Variants in CDHR3 observed in about 807,000 individuals in gnomAD.
CDHR3 encodes cadherin related family member 3.
A neutral mutation model predicts 86.6 loss-of-function variants in CDHR3; 79 were observed. The ratio of observed to expected loss-of-function variants is 0.91; its 90% CI spans 0.76 to 1.10. CDHR3 has a LOEUF of 1.10. Among genes scored for constraint, CDHR3 ranks in the 50% least tolerant of loss-of-function variants. The pLI, the probability that CDHR3 is intolerant of heterozygous loss-of-function variation, is 0.00. For missense variants in CDHR3, 1,081 were observed against 1,077.6 expected, an observed-to-expected ratio of 1.00 and a Z score of -0.04; for synonymous variants, 421 against 402.4, an observed-to-expected ratio of 1.05 and a Z score of -0.55.
chr7:105,977,476 G>A (rs947824489), intron 2 of CDHR3, among the ~76,000 whole-genome samples: 3 of 152,194 alleles, frequency 2.0e-5, no homozygotes, highest in Admixed American at 2.0e-4. Flanking sequence ...AGTGTTTGGT[G>A]TATTGTCCTA....
At chr7:106,020,347 G>A in intron 12 of CDHR3, 26 bp from the exon 13 acceptor site, 2 of 1,567,670 alleles carry the variant, frequency 1.3e-6, no homozygotes. Flanking sequence ...TAGCTATTGA[G>A]AATGACCACC....
At position 105,974,855 on chromosome 7, in the gene CDHR3, C is replaced by A; in HGVS notation, c.58C>A (p.Leu20Ile). The A allele has an allele frequency of 1.2e-6, 2 of 1,613,274 alleles. No homozygotes were observed. The highest frequency in any genetic ancestry group is 8.5e-7 in the Non-Finnish European group (1 of 1,179,632). The part of the protein sequence containing the change: ...LLGAMSGGEA[L>I]HLILLPATGN... ...TTTTTACTCCACAGGGGGAGAAGCA[C>A]TACACCTAATCCTCTTACCTGCTAC... The change falls in exon 2 of 19, where the codon CTA becomes ATA. Residue 20 changes from leucine to isoleucine, a missense_variant. Transcript: ENST00000317716.
Position 105,964,212 on chromosome 7 carries a change from A to G in CDHR3, c.46+848A>G, listed in dbSNP as rs567402090. Among the ~76,000 whole-genome samples the G allele has an allele frequency of 2.6e-5, 4 of 152,248 alleles. No individual in the cohort carries two copies. In the East Asian group the frequency reaches 7.7e-4, roughly 29 times the overall value. ...TTAGGAGTATTTTGAGGTTTCCTTC[A>G]TATAGATTTGGTACATTCTTATTAT... On this transcript the variant is annotated intron_variant, in intron 1 of 18. Coordinates refer to ENST00000317716, the MANE Select transcript of CDHR3 (RefSeq NM_152750.5).
chr7:106,032,733 T>G lies in CDHR3; in HGVS notation c.*36T>G, dbSNP rs1446608124. 6.4e-7 allele frequency: 1 copy of G among 1,567,660 alleles called. No homozygotes were observed. Among genetic ancestry groups the G allele is most frequent in the African/African-American group, 1.4e-5 (1 of 73,928 alleles). ...AGGAGGGGCCTGTCAATCACTGAGA[T>G]GCTGCCTCACCCTAAATTCTATGGG... On this transcript the variant is annotated 3_prime_UTR_variant, in exon 19 of 19. Transcript: ENST00000317716.
rs117453176 is a variant in CDHR3 at position 105,996,805 on chromosome 7, C to T, written c.713+451C>T. On this transcript the variant is annotated intron_variant, in intron 6 of 18. Coordinates refer to ENST00000317716, the MANE Select transcript of CDHR3 (RefSeq NM_152750.5). Reference sequence around the variant, plus strand: ...CGGTGCCTGCCTGTTACTGGCTGCTCTAAAGTTTCTTCCTGCCATGGTGGA... The same window carrying T: ...CGGTGCCTGCCTGTTACTGGCTGCTTTAAAGTTTCTTCCTGCCATGGTGGA... 5.8e-4 allele frequency among the ~76,000 whole-genome samples: 88 copies of T among 152,282 alleles called. 1 individual carries two copies. In the East Asian group the frequency reaches 0.017, roughly 29 times the overall value.
Position 105,973,676 on chromosome 7 carries a change from A to T in CDHR3, c.47-1168A>T, listed in dbSNP as rs138763333. On this transcript the variant is annotated intron_variant, in intron 1 of 18. Transcript: ENST00000317716. ...CATGAAGACTCTATTTCCAAATAAG[A>T]TCATTCTTGGCTGGGCATGGTGGCT... 9.4e-3 allele frequency among the ~76,000 whole-genome samples: 1,429 copies of T among 152,292 alleles called. 8 individuals carry two copies. The highest frequency in any genetic ancestry group is 0.014 in the Non-Finnish European group (960 of 68,026).
intron 6 of CDHR3, among the ~76,000 whole-genome samples, chr7:105,996,927 C>T (rs759732536): frequency 1.1e-4 from 17 of 151,956 alleles, no homozygotes; most frequent in Non-Finnish European, 2.2e-4. Context: ...TGGAAATGTG[C>T]CTGGCACTAT....
In CDHR3 at chr7:106,026,678, A is replaced by C. The variant is rs369211422; in HGVS notation, c.2259-4A>C. The C allele has an allele frequency of 3.1e-6, 5 of 1,613,534 alleles. No homozygotes were observed. The Admixed American group carries it at 6.7e-5, about 22-fold the overall frequency. ...ATTAATAGCCATTCTTTTTCCCCCC[A>C]TAGGACAAAGAAAGGAGGTATGTAC... On this transcript the variant is annotated splice_region_variant and splice_polypyrimidine_tract_variant and intron_variant, in intron 15 of 18. Transcript: ENST00000317716.
At chr7:105,980,034 C>T (rs1248626493) in intron 2 of CDHR3, among the ~76,000 whole-genome samples, 3 of 152,174 alleles carry the variant, frequency 2.0e-5, no homozygotes, top group Non-Finnish European at 4.4e-5. Context: ...CGCATCCCTC[C>T]CACATCTACA....
intron 4 of CDHR3, among the ~76,000 whole-genome samples, chr7:105,993,098 T>C (rs6976412): frequency 0.21 from 31,367 of 152,212 alleles, 3,913 homozygotes; most frequent in Middle Eastern, 0.36. Flanking sequence ...TCAGGGGCTG[T>C]GGCTGTGGTT....
At chr7:105,971,797 C>T (rs1035238628) in intron 1 of CDHR3, among the ~76,000 whole-genome samples, 23 of 152,130 alleles carry the variant, frequency 1.5e-4, no homozygotes, top group African/African-American at 4.8e-4. Flanking sequence ...TAGCAAGTCC[C>T]TTCTACCTGA....
chr7:106,012,813 C>T (rs779974734), intron 8 of CDHR3, 47 bp from the exon 9 acceptor site: 14 of 1,547,072 alleles, frequency 9.0e-6, no homozygotes, highest in Middle Eastern at 1.7e-4. Flanking sequence ...AAGGAACAGT[C>T]GATTACCATT....
intron 4 of CDHR3, among the ~76,000 whole-genome samples, chr7:105,989,734 G>A (rs1831079125): frequency 6.6e-6 from 1 of 152,128 alleles, no homozygotes; most frequent in Non-Finnish European, 1.5e-5. Flanking sequence ...TCTGGATGAG[G>A]GAGGGAACTG....
In CDHR3 at chr7:106,020,532, T is replaced by C. The variant is rs368624324; in HGVS notation, c.1813T>C (p.Ser605Pro). 19 of 1,613,512 alleles carry C rather than the reference T, an allele frequency of 1.2e-5. No individual in the cohort carries two copies. The highest frequency in any genetic ancestry group is 1.5e-5 in the Non-Finnish European group (18 of 1,179,656). ...TTCCAGCCCCAGATCTTTCCGTTAT[T>C]CCATTGGCCCAGGTATAGTACTTGG... ...LDSSPRSFRYSIGPGNVNNHF... is the reference protein window; with the variant it reads ...LDSSPRSFRYPIGPGNVNNHF... The change falls in exon 13 of 19, where the codon TCC becomes CCC. Residue 605 changes from serine to proline, a missense_variant. Coordinates refer to ENST00000317716, the MANE Select transcript of CDHR3 (RefSeq NM_152750.5).
chr7:106,009,965 T>A (rs1354016709), intron 8 of CDHR3, among the ~76,000 whole-genome samples: 1 of 152,158 alleles, frequency 6.6e-6, no homozygotes, highest in African/African-American at 2.4e-5. Flanking sequence ...CAGGGATTGC[T>A]GAATGAGGGG....
At chr7:105,971,588 G>A (rs1236871718) in intron 1 of CDHR3, among the ~76,000 whole-genome samples, 1 of 152,150 alleles carries the variant, frequency 6.6e-6, no homozygotes, top group Non-Finnish European at 1.5e-5. Flanking sequence ...TCAGACCCAG[G>A]AATTATCAAA....
chr7:105,967,562 G>A (rs1380554011), intron 1 of CDHR3, among the ~76,000 whole-genome samples: 1 of 152,200 alleles, frequency 6.6e-6, no homozygotes, highest in African/African-American at 2.4e-5. Context: ...CTAGTTTACA[G>A]TCCCACCAAC....
intron 4 of CDHR3, among the ~76,000 whole-genome samples, chr7:105,993,746 C>T (rs755544432): frequency 6.7e-5 from 10 of 149,764 alleles, no homozygotes; most frequent in Non-Finnish European, 1.3e-4. Flanking sequence ...CTCTTCTGAT[C>T]CAGGCTCTTC....
At chr7:106,011,406 C>A (rs1474349892) in intron 8 of CDHR3, among the ~76,000 whole-genome samples, 1 of 152,032 alleles carries the variant, frequency 6.6e-6, no homozygotes, top group Non-Finnish European at 1.5e-5. Flanking sequence ...GACCTCCATG[C>A]AATGAGCCTA....
Sources: gnomAD v4.1 joint callset for allele counts (sites outside exome capture counted in the v4.1 genomes callset) on GRCh38, gnomAD v4.1.1 for gene constraint, MANE v1.5 for transcripts, NCBI Gene and HGNC (gene_info 2026-07-23, HGNC 2026-07-21) for gene names.